The following DKKL1 variants were observed in gnomAD, a reference collection of about 807,000 sequenced individuals.
The protein encoded by DKKL1 is dickkopf-like protein 1.
A neutral mutation model predicts 16.5 loss-of-function variants in DKKL1; 11 were observed. The ratio of observed to expected loss-of-function variants is 0.67; its 90% confidence interval spans 0.42 to 1.10. The LOEUF is 1.10. Among genes scored for constraint, DKKL1 ranks in the 50% least tolerant of loss-of-function variants. The pLI is 0.00. For synonymous variants in DKKL1, 119 were observed against 133.2 expected, an observed-to-expected ratio of 0.89 and a Z score of 0.73; for missense variants, 320 against 308.1, an observed-to-expected ratio of 1.04 and a Z score of -0.29.
At chr19:49,368,409 C>G (rs924498033) in intron 4 of DKKL1, among the ~76,000 whole-genome samples, 1 of 151,432 alleles carries the variant, frequency 6.6e-6, no homozygotes, top group South Asian at 2.1e-4. Flanking sequence ...TTGTTTGAGA[C>G]GAGGAGGTTG....
rs536210770 is a variant in DKKL1, at chr19:49,364,324, C to A, written c.11-258C>A. 2.0e-5 allele frequency among the ~76,000 whole-genome samples: 3 copies of A among 148,748 alleles called. 1 individual carries two copies. The East Asian group carries it at 5.9e-4, about 29-fold the overall frequency. On this transcript the variant is annotated intron_variant, in intron 1 of 4. Transcript: ENST00000221498. Reference sequence around the variant, plus strand: ...CCGTGATTGTGCCACTGTACTCCAGCCTGGACTACAGAGTCTCGGTCTCAA... The same window carrying A: ...CCGTGATTGTGCCACTGTACTCCAGACTGGACTACAGAGTCTCGGTCTCAA...
Position 49,374,895 on chromosome 19 carries a change from C to A in DKKL1, c.596C>A (p.Ala199Asp). The change falls in exon 5 of 5, where the codon GCC (alanine) becomes GAC (aspartate). Residue 199 changes from alanine to aspartate, a missense_variant. Coordinates refer to ENST00000221498, the MANE Select transcript of DKKL1 (RefSeq NM_014419.4). ...WLSEKRHRLQ[A>D]IRDGLRKGTH... The stretch of plus-strand genomic sequence containing the variant: ...AGCGAGAAGCGACACCGCCTGCAGG[C>A]CATCCGGGATGGACTCCGCAAGGGG... 6.2e-7 allele frequency: 1 copy of A among 1,614,042 alleles called. No homozygotes were observed. Among genetic ancestry groups the A allele is most frequent in the Non-Finnish European group, 8.5e-7 (1 of 1,179,978 alleles).
rs934211075 is a variant in DKKL1, at chr19:49,371,209, C to G, written c.418-3508C>G. On this transcript the variant is annotated intron_variant, in intron 4 of 4. Coordinates refer to ENST00000221498, the MANE Select transcript of DKKL1 (RefSeq NM_014419.4). ...GGATGAGGATGCTGAAGAGCCTGACCTGACCTGTTGTGACCTTTGTTTTTT... is the reference window on the plus strand; with the variant it reads ...GGATGAGGATGCTGAAGAGCCTGACGTGACCTGTTGTGACCTTTGTTTTTT... 6 of 152,236 alleles carry G rather than the reference C, an allele frequency of 3.9e-5. No homozygotes were observed. The East Asian group carries it at 1.2e-3, about 29-fold the overall frequency. 9.4% of individuals were successfully genotyped at this position (152,236 alleles called of 1,614,324 possible). A position where few individuals can be genotyped will look rare whatever the true frequency, so the allele number is the denominator to read the frequency against.
rs1042863095 is a variant in DKKL1, at chr19:49,364,443, G to A, written c.11-139G>A. The A allele has an allele frequency of 3.5e-5, 24 of 681,130 alleles. No individual in the cohort carries two copies. In the African/African-American group the frequency reaches 3.6e-4, roughly 10 times the overall value. 42.2% of individuals were successfully genotyped at this position (681,130 alleles called of 1,614,324 possible). On this transcript the variant is annotated intron_variant, in intron 1 of 4. Coordinates refer to ENST00000221498, the MANE Select transcript of DKKL1 (RefSeq NM_014419.4). ...CAAGGTGGAGGGTGTGGGAGTAGAA[G>A]AAAGAAGCAGTGGGGGAAATGAGCG...
At chr19:49,369,882 C>CAG (rs1481659699) in intron 4 of DKKL1, 3 of 152,362 alleles carry the variant, frequency 2.0e-5, no homozygotes, top group African/African-American at 7.2e-5. Flanking sequence ...AGTGGATACT[C>CAG]AGGTTTCAGG....
At chr19:49,367,970 G>A (rs530902930) in intron 4 of DKKL1, among the ~76,000 whole-genome samples, 1 of 152,188 alleles carries the variant, frequency 6.6e-6, no homozygotes, top group East Asian at 1.9e-4. Context: ...GAGCCCACGA[G>A]TTTGAGATCA....
upstream of DKKL1, among the ~76,000 whole-genome samples, chr19:49,362,635 A>G (rs921197972): frequency 6.6e-6 from 1 of 150,402 alleles, no homozygotes; most frequent in African/African-American, 2.5e-5. Flanking sequence ...TCCAAGTCGG[A>G]GGGAAAAGGC....
chr19:49,362,880 G>GT (rs199534986), upstream of DKKL1, among the ~76,000 whole-genome samples: 350 of 149,972 alleles, frequency 2.3e-3, 1 homozygote, highest in Non-Finnish European at 4.0e-3. Flanking sequence ...AAGCCCTGAG[G>GT]TTTTTTTTCT....
upstream of DKKL1, chr19:49,363,759 C>G (rs2288480): frequency 0.28 from 166,239 of 591,680 alleles, 25,214 homozygotes; most frequent in South Asian, 0.46. Context: ...GCTGTGTCAC[C>G]AAGGGCGTGG....
At chr19:49,365,751 G>A (rs1365059076) in intron 3 of DKKL1, 42 bp from the exon 4 acceptor site, 2 of 1,606,744 alleles carry the variant, frequency 1.2e-6, no homozygotes, top group South Asian at 1.1e-5. Flanking sequence ...GGGCGGAGGA[G>A]GAAAGCAGGT....
At chr19:49,364,112 G>A in intron 1 of DKKL1, 104 bp downstream of exon 1, 1 of 1,450,008 alleles carries the variant, frequency 6.9e-7, no homozygotes, top group Admixed American at 2.0e-5. Context: ...CACTTTGGGA[G>A]GCCCAGGTGG....
chr19:49,365,691 C>T (rs1167018507), intron 3 of DKKL1, 42 bp downstream of exon 3: 1 of 1,595,210 alleles, frequency 6.3e-7, no homozygotes, highest in Non-Finnish European at 8.6e-7. Context: ...CCCTTGGGAT[C>T]CCTCCATCCC....
chr19:49,362,725 G>A (rs1973042784), upstream of DKKL1, among the ~76,000 whole-genome samples: 1 of 151,254 alleles, frequency 6.6e-6, no homozygotes, highest in South Asian at 2.1e-4. Flanking sequence ...TGGGACTCCT[G>A]GGTCTGGGAG....
chr19:49,373,946 A>C (rs992901117), intron 4 of DKKL1, among the ~76,000 whole-genome samples: 1 of 152,086 alleles, frequency 6.6e-6, no homozygotes, highest in Admixed American at 6.6e-5. Context: ...TCCATATTCA[A>C]ACTTTCTCCC....
rs34625472 is a variant in DKKL1 at position 49,365,643 on chromosome 19, C to A, written c.318C>A (p.Ile106=). 10,790 of 1,611,648 alleles carry A rather than the reference C, an allele frequency of 6.7e-3. 600 individuals carry two copies. The African/African-American group carries it at 0.12, about 18-fold the overall frequency. ...GNNTLSSHLQ[I]DKMTDNKTGE... ...ACACCCTCTCCAGCCACCTCCAGAT[C>A]GACAAGGTGCCTATGCAGGGAAGCC... Residue 106 remains isoleucine (I), a synonymous_variant, in exon 3 of 5, where the codon ATC becomes ATA. Transcript: ENST00000221498.
intron 4 of DKKL1, among the ~76,000 whole-genome samples, chr19:49,367,406 CT>C (rs10648468): frequency 0.18 from 23,770 of 131,580 alleles, 1,710 homozygotes; most frequent in Non-Finnish European, 0.23. Flanking sequence ...CTTTGGTAAA[CT>C]TTTTTTTTTT....
At chr19:49,367,813 C>A (rs8109880) in intron 4 of DKKL1, among the ~76,000 whole-genome samples, 89,091 of 152,100 alleles carry the variant, frequency 0.59, 27,338 homozygotes, top group African/African-American at 0.78. Flanking sequence ...GAGCTTGATA[C>A]ATCCATATGA....
chr19:49,370,161 T>A (rs1973420838), intron 4 of DKKL1: 1 of 152,164 alleles, frequency 6.6e-6, no homozygotes, highest in African/African-American at 2.4e-5. Flanking sequence ...AAATGCCCCA[T>A]GGCTTTGGAA....
rs1973215803 is a variant in DKKL1 at position 49,365,552 on chromosome 19, T to G, written c.227T>G (p.Met76Arg). Residue 76 changes from methionine to arginine, a missense_variant, in exon 3 of 5, where the codon ATG becomes AGG. Transcript: ENST00000221498. ...RGIDSLFSAP[M>R]DFRGLPGNYH... ...ATAGACAGCTTATTCTCTGCCCCCA[T>G]GGACTTCCGGGGCCTCCCTGGGAAC... 1 of 1,613,666 alleles carries G rather than the reference T, an allele frequency of 6.2e-7. No homozygotes were observed. The highest frequency in any genetic ancestry group is 8.5e-7 in the Non-Finnish European group (1 of 1,179,776).
Sources: gnomAD v4.1 joint callset for allele counts (sites outside exome capture counted in the v4.1 genomes callset) on GRCh38, gnomAD v4.1.1 for gene constraint, MANE v1.5 for transcripts, NCBI Gene and HGNC (gene_info 2026-07-23, HGNC 2026-07-21) for gene names.